ABAT: variants seen among roughly 807,000 people sequenced by gnomAD.
The protein encoded by ABAT is 4-aminobutyrate aminotransferase, mitochondrial.
A neutral mutation model predicts 64.6 loss-of-function variants in ABAT; 45 were observed. The observed-to-expected ratio is 0.70, with a 90% CI of 0.55 to 0.89. The LOEUF (loss-of-function observed/expected upper bound fraction) is 0.89. ABAT is among the 40% of genes least tolerant of loss of function. The pLI is 0.00. For synonymous variants in ABAT, 297 were observed against 250.5 expected, an observed-to-expected ratio of 1.19 and a Z score of -1.75; for missense variants, 633 against 658.4, an observed-to-expected ratio of 0.96 and a Z score of 0.42.
intron 5 of ABAT, among the ~76,000 whole-genome samples, chr16:8,752,807 A>G (rs2059528063): frequency 1.3e-5 from 2 of 152,162 alleles, no homozygotes; most frequent in African/African-American, 4.8e-5. Context: ...AAGTTCTAAA[A>G]GTTCTCTCTC....
chr16:8,703,276 G>A (rs755786087), intron 1 of ABAT, among the ~76,000 whole-genome samples: 1 of 151,930 alleles, frequency 6.6e-6, no homozygotes, highest in Non-Finnish European at 1.5e-5. Context: ...CCGACATGGC[G>A]AAACCCCGTC....
At chr16:8,748,951 A>G (rs1411507710) in intron 4 of ABAT, among the ~76,000 whole-genome samples, 1 of 152,058 alleles carries the variant, frequency 6.6e-6, no homozygotes, top group East Asian at 1.9e-4. Flanking sequence ...GGTTCTTTTT[A>G]TCCAGTCTGA....
chr16:8,682,843 A>C (rs1250081817), intron 1 of ABAT, among the ~76,000 whole-genome samples: 1 of 152,208 alleles, frequency 6.6e-6, no homozygotes, highest in African/African-American at 2.4e-5. Flanking sequence ...AGAAATGCAG[A>C]ATCTTGGGCC....
At chr16:8,777,601 G>A (rs1429895136) in intron 14 of ABAT, among the ~76,000 whole-genome samples, 7 of 152,112 alleles carry the variant, frequency 4.6e-5, no homozygotes, top group East Asian at 1.9e-4. Flanking sequence ...AGTGTGGCAG[G>A]CAGGCCTAAA....
intron 1 of ABAT, among the ~76,000 whole-genome samples, chr16:8,706,530 A>T (rs959825070): frequency 6.6e-6 from 1 of 152,050 alleles, no homozygotes; most frequent in African/African-American, 2.4e-5. Flanking sequence ...CCTGGCCAAC[A>T]TGGTGAAACC....
In ABAT at chr16:8,768,242, A is replaced by G; in HGVS notation, c.653A>G (p.His218Arg). The change falls in exon 10 of 16, where the codon CAT becomes CGT. Residue 218 changes from histidine to arginine, a missense_variant. Coordinates refer to ENST00000268251, the MANE Select transcript of ABAT (RefSeq NM_020686.6). ...YSILSFMGAF[H>R]GRTMGCLATT... ...ATCCTCTCCTTCATGGGCGCGTTCC[A>G]TGGGAGGACCATGGGTAAGGAGGGA... The G allele has an allele frequency of 6.2e-7, 1 of 1,614,080 alleles. No homozygotes were observed. The highest frequency in any genetic ancestry group is 8.5e-7 in the Non-Finnish European group (1 of 1,180,036).
At position 8,778,725 on chromosome 16, in the gene ABAT, C is replaced by T. The variant is rs982207416; in HGVS notation, c.1270-754C>T. On this transcript the variant is annotated intron_variant, in intron 14 of 15. Coordinates refer to ENST00000268251, the MANE Select transcript of ABAT (RefSeq NM_020686.6). ...CTGGGAGGCAGAGGATGCAGTGAGCCGAGATAGTGCCACTGCACTCCAGCC... is the reference window on the plus strand; with the variant it reads ...CTGGGAGGCAGAGGATGCAGTGAGCTGAGATAGTGCCACTGCACTCCAGCC... Among the ~76,000 whole-genome samples, 4 of 150,488 alleles carry T rather than the reference C, an allele frequency of 2.7e-5. No individual in the cohort carries two copies. In the South Asian group the frequency reaches 6.3e-4, roughly 24 times the overall value.
chr16:8,723,567 C>G (rs1417108543), intron 1 of ABAT, among the ~76,000 whole-genome samples: 1 of 152,090 alleles, frequency 6.6e-6, no homozygotes, highest in Non-Finnish European at 1.5e-5. Flanking sequence ...ATGACTACAT[C>G]TTCAGCAGCA....
Position 8,766,278 on chromosome 16 carries a change from C to T in ABAT, c.603+8C>T. On this transcript the variant is annotated splice_region_variant and intron_variant, in intron 9 of 15. Transcript: ENST00000268251. The stretch of plus-strand genomic sequence containing the variant: ...ACGTGCATGATTAACCAGGTGAGTG[C>T]AGCTGGGCTTGCACCACGTACATCT... The T allele has an allele frequency of 1.2e-6, 2 of 1,613,540 alleles. No individual in the cohort carries two copies. Among genetic ancestry groups the T allele is most frequent in the Non-Finnish European group, 1.7e-6 (2 of 1,179,574 alleles).
intron 1 of ABAT, among the ~76,000 whole-genome samples, chr16:8,732,121 G>A (rs978242613): frequency 2.6e-5 from 4 of 151,662 alleles, no homozygotes; most frequent in Admixed American, 2.0e-4. Context: ...CCAAAGTGCT[G>A]GGATTAGAGG....
chr16:8,768,391 T>C (rs1596467262), intron 10 of ABAT, 135 bp downstream of exon 10: 2 of 956,326 alleles, frequency 2.1e-6, no homozygotes, highest in Non-Finnish European at 3.3e-6. Flanking sequence ...AGAGTGGGGA[T>C]TATTATTCCT....
At chr16:8,738,020 AGAAAGAAAGAAG>A in intron 2 of ABAT, among the ~76,000 whole-genome samples, 1 of 126,454 alleles carries the variant, frequency 7.9e-6, no homozygotes, top group South Asian at 2.9e-4. Context: ...AAGAAAGGAA[AGAAAGAAAGAAG>A]GACAGACAGA....
chr16:8,759,627 C>T (rs36095894), intron 6 of ABAT, among the ~76,000 whole-genome samples: 2 of 152,208 alleles, frequency 1.3e-5, no homozygotes, highest in African/African-American at 4.8e-5. Context: ...ATCCTCCCAC[C>T]TCAGCCTCCT....
chr16:8,694,595 C>A (rs2057661117), intron 1 of ABAT, among the ~76,000 whole-genome samples: 1 of 151,992 alleles, frequency 6.6e-6, no homozygotes, highest in African/African-American at 2.4e-5. Flanking sequence ...CCAAGCTGGT[C>A]TGGAACTCCT....
At chr16:8,773,783 C>G (rs1240265372) in intron 12 of ABAT, among the ~76,000 whole-genome samples, 1 of 152,150 alleles carries the variant, frequency 6.6e-6, no homozygotes, top group African/African-American at 2.4e-5. Flanking sequence ...TTTTAGTTCC[C>G]ACCTGAGTGA....
chr16:8,728,394 G>C (rs578080826), intron 1 of ABAT, among the ~76,000 whole-genome samples: 1 of 152,088 alleles, frequency 6.6e-6, no homozygotes, highest in African/African-American at 2.4e-5. Flanking sequence ...TGAGACATTC[G>C]GAGTTTCAAA....
At chr16:8,722,287 A>G (rs1281074515) in intron 1 of ABAT, among the ~76,000 whole-genome samples, 3 of 152,128 alleles carry the variant, frequency 2.0e-5, no homozygotes, top group Non-Finnish European at 2.9e-5. Context: ...ACGGGGGAAG[A>G]TAGCAATTAG....
intron 1 of ABAT, chr16:8,713,866 G>A (rs1040249200): frequency 1.5e-5 from 7 of 456,024 alleles, no homozygotes; most frequent in African/African-American, 4.0e-5. Context: ...ACCAGGCACC[G>A]TGAGTGCAAA....
At chr16:8,693,910 C>A (rs1389674419) in intron 1 of ABAT, among the ~76,000 whole-genome samples, 1 of 152,188 alleles carries the variant, frequency 6.6e-6, no homozygotes, top group African/African-American at 2.4e-5. Flanking sequence ...ATGGGTCCTT[C>A]ATCCTATTTT....
Sources: gnomAD v4.1 joint callset for allele counts (sites outside exome capture counted in the v4.1 genomes callset) on GRCh38, gnomAD v4.1.1 for gene constraint, MANE v1.5 for transcripts, NCBI Gene and HGNC (gene_info 2026-07-23, HGNC 2026-07-21) for gene names.